RSL24D1: variants seen among roughly 807,000 people sequenced by gnomAD.
RSL24D1 encodes the protein probable ribosome biogenesis protein RLP24.
Under a neutral mutation model 26.2 loss-of-function variants are expected in RSL24D1, and 6 were observed. That is an observed-to-expected ratio of 0.23 (90% CI 0.13 to 0.45). RSL24D1 has a LOEUF of 0.45. Among genes scored for constraint, RSL24D1 ranks in the 20% least tolerant of loss-of-function variants. The pLI is 0.99. For missense variants in RSL24D1, 176 were observed against 202.6 expected, an observed-to-expected ratio of 0.87 and a Z score of 0.80; for synonymous variants, 61 against 59.1, an observed-to-expected ratio of 1.03 and a Z score of -0.15.
intron 2 of RSL24D1, 109 bp from the exon 3 acceptor site, chr15:55,191,156 AG>A: frequency 1.4e-6 from 1 of 725,152 alleles, no homozygotes; most frequent in East Asian, 2.7e-5. Context: ...ACATACACCT[AG>A]ATTCACCCCT....
At chr15:55,191,105 A>G (rs1894292767) in intron 2 of RSL24D1, 58 bp from the exon 3 acceptor site, 3 of 1,212,626 alleles carry the variant, frequency 2.5e-6, no homozygotes, top group African/African-American at 1.5e-5. Flanking sequence ...GAAAGGAAAC[A>G]TTTCTTAAAA....
intron 3 of RSL24D1, 42 bp from the exon 4 acceptor site, chr15:55,185,467 A>C (rs762384337): frequency 2.1e-6 from 3 of 1,417,022 alleles, no homozygotes; most frequent in Non-Finnish European, 3.0e-6. Flanking sequence ...TGCACATTCA[A>C]GCGGTATGAT....
At chr15:55,185,619 T>C (rs1000455958) in intron 3 of RSL24D1, among the ~76,000 whole-genome samples, 194 bp from the exon 4 acceptor site, 4 of 152,204 alleles carry the variant, frequency 2.6e-5, no homozygotes, top group African/African-American at 9.6e-5. Flanking sequence ...CAACATTCTC[T>C]TTCACAAGTA....
In RSL24D1 at chr15:55,196,904, G is replaced by A. The variant is rs768447619; in HGVS notation, c.-14C>T. On this transcript the variant is annotated 5_prime_UTR_variant, in exon 1 of 6. Coordinates refer to ENST00000260443, the MANE Select transcript of RSL24D1 (RefSeq NM_016304.3). ...TTCGATACGCATGTTGAACCCGCGT[G>A]TAACCCCACCAAACAAACGCCAAGC... 1 of 1,613,582 alleles carries A rather than the reference G, an allele frequency of 6.2e-7. No individual in the cohort carries two copies. Among genetic ancestry groups the A allele is most frequent in the Non-Finnish European group, 8.5e-7 (1 of 1,179,548 alleles).
At chr15:55,191,068 G>A in intron 2 of RSL24D1, 21 bp from the exon 3 acceptor site, 1 of 1,517,720 alleles carries the variant, frequency 6.6e-7, no homozygotes, top group South Asian at 1.2e-5. Flanking sequence ...GAACAGAGGA[G>A]ATAAAAATAA....
chr15:55,182,941 G>A (rs1205400108), intron 5 of RSL24D1, among the ~76,000 whole-genome samples: 1 of 151,906 alleles, frequency 6.6e-6, no homozygotes, highest in Non-Finnish European at 1.5e-5. Flanking sequence ...AAAGAGCCTG[G>A]GCCTATGTAT....
intron 1 of RSL24D1, chr15:55,194,302 A>C (rs1894330908): frequency 6.6e-6 from 1 of 152,214 alleles, no homozygotes. Context: ...CTACCTTGAG[A>C]AGCTTAGTCT....
At chr15:55,183,452 G>A (rs1258911760) in intron 4 of RSL24D1, 52 bp from the exon 5 acceptor site, 1 of 1,313,610 alleles carries the variant, frequency 7.6e-7, no homozygotes, top group East Asian at 2.4e-5. Flanking sequence ...ACTGCTTTAA[G>A]AGGCATCAAT....
At position 55,184,804 on chromosome 15, in the gene RSL24D1, G is replaced by T. The variant is rs969465916; in HGVS notation, c.332+558C>A. ...GAGAAGGATACGCCATCATTTCTGAGACATCCCTGCCAAAGGTGCCTAGCC... is the reference window on the plus strand; with the variant it reads ...GAGAAGGATACGCCATCATTTCTGATACATCCCTGCCAAAGGTGCCTAGCC... On this transcript the variant is annotated intron_variant, in intron 4 of 5. Transcript: ENST00000260443. Among the ~76,000 whole-genome samples, 4 of 152,128 alleles carry T rather than the reference G, an allele frequency of 2.6e-5. No homozygotes were observed. The East Asian group carries it at 7.7e-4, about 29-fold the overall frequency.
At chr15:55,189,006 AC>A (rs1894254551) in intron 3 of RSL24D1, among the ~76,000 whole-genome samples, 1 of 152,292 alleles carries the variant, frequency 6.6e-6, no homozygotes, top group Admixed American at 6.5e-5. Flanking sequence ...AGCCTGGGCA[AC>A]ATGGTGAAAC....
intron 3 of RSL24D1, among the ~76,000 whole-genome samples, chr15:55,189,193 CAAAAAAA>C (rs11320888): frequency 1.5e-5 from 1 of 66,520 alleles, no homozygotes; most frequent in Non-Finnish European, 3.4e-5. Flanking sequence ...ACTCCCATCT[CAAAAAAA>C]AAAAAAAAAA....
intron 4 of RSL24D1, among the ~76,000 whole-genome samples, chr15:55,184,937 GA>G: frequency 6.6e-6 from 1 of 152,116 alleles, no homozygotes; most frequent in East Asian, 1.9e-4. Context: ...AGAAAGATGA[GA>G]AACTGTCCAG....
rs780685250 is a variant in RSL24D1 at position 55,185,439 on chromosome 15, C to A, written c.269-14G>T. 3 of 1,597,762 alleles carry A rather than the reference C, an allele frequency of 1.9e-6. No individual in the cohort carries two copies. In the Admixed American group the frequency reaches 5.3e-5, roughly 28 times the overall value. On this transcript the variant is annotated splice_polypyrimidine_tract_variant and intron_variant, in intron 3 of 5. Coordinates refer to ENST00000260443, the MANE Select transcript of RSL24D1 (RefSeq NM_016304.3). The stretch of plus-strand genomic sequence containing the variant: ...TCATCGCATCAACTACAAAAAAATT[C>A]ATGAGTTAGCAAATGTATGCACATT...
intron 1 of RSL24D1, among the ~76,000 whole-genome samples, chr15:55,193,126 CTTTCT>C (rs1894317149): frequency 6.6e-6 from 1 of 152,036 alleles, no homozygotes; most frequent in Non-Finnish European, 1.5e-5. Context: ...TATTTAAGTC[CTTTCT>C]TAATTCAGGA....
intron 3 of RSL24D1, among the ~76,000 whole-genome samples, chr15:55,189,193 CAA>C (rs11320888): frequency 2.4e-4 from 16 of 66,512 alleles, no homozygotes; most frequent in Admixed American, 3.6e-4. Flanking sequence ...ACTCCCATCT[CAA>C]AAAAAAAAAA....
At chr15:55,187,759 G>C (rs758845870) in intron 3 of RSL24D1, among the ~76,000 whole-genome samples, 36 of 151,864 alleles carry the variant, frequency 2.4e-4, no homozygotes, top group Non-Finnish European at 4.7e-4. Context: ...AGTGGGGTGG[G>C]GTAAGGGGTA....
intron 1 of RSL24D1, among the ~76,000 whole-genome samples, chr15:55,196,055 G>A (rs969528135): frequency 1.1e-4 from 16 of 152,204 alleles, no homozygotes; most frequent in Non-Finnish European, 4.4e-5. Context: ...GATTCATTCT[G>A]TAATGACAGG....
chr15:55,186,487 T>C (rs1894225528), intron 3 of RSL24D1, among the ~76,000 whole-genome samples: 1 of 152,090 alleles, frequency 6.6e-6, no homozygotes, highest in Non-Finnish European at 1.5e-5. Context: ...GCATCAAATC[T>C]CTGGTGCTCT....
At chr15:55,196,748 G>A in intron 1 of RSL24D1, 62 bp downstream of exon 1, 5 of 1,542,572 alleles carry the variant, frequency 3.2e-6, no homozygotes, top group African/African-American at 1.4e-5. Flanking sequence ...CCAGCACCGA[G>A]CCGCCGCGCC....
Sources: gnomAD v4.1 joint callset for allele counts (sites outside exome capture counted in the v4.1 genomes callset) on GRCh38, gnomAD v4.1.1 for gene constraint, MANE v1.5 for transcripts, NCBI Gene and HGNC (gene_info 2026-07-23, HGNC 2026-07-21) for gene names.